SCHIP1: variants seen among roughly 807,000 people sequenced by gnomAD.
The protein encoded by SCHIP1 is schwannomin-interacting protein 1.
Under a neutral mutation model 29.7 loss-of-function variants are expected in SCHIP1, and 8 were observed. That is an observed-to-expected ratio of 0.27 (90% CI 0.16 to 0.49). SCHIP1 has a LOEUF of 0.49. Ranked by LOEUF, SCHIP1 falls within the 20% of genes least tolerant of loss-of-function variation. The pLI, the probability that SCHIP1 is intolerant of heterozygous loss-of-function variation, is 0.99. For synonymous variants in SCHIP1, 76 were observed against 94.9 expected (o/e 0.80, Z 1.16); for missense variants, 193 against 294.6 (o/e 0.66, Z 2.52).
At chr3:159,574,499 G>C in the SCHIP1 span, among the ~76,000 whole-genome samples, 22 of 152,260 alleles carry the variant, frequency 1.4e-4, no homozygotes, top group African/African-American at 5.1e-4. Flanking sequence ...CCCAGAGGGG[G>C]AACTGCCTAT....
the SCHIP1 span, among the ~76,000 whole-genome samples, chr3:159,638,414 C>T: frequency 2.0e-5 from 3 of 152,124 alleles, no homozygotes; most frequent in Admixed American, 6.6e-5. Flanking sequence ...GAGTCATAAT[C>T]GTATTTCTCC....
chr3:159,508,636 TA>T, the SCHIP1 span, among the ~76,000 whole-genome samples: 1 of 152,236 alleles, frequency 6.6e-6, no homozygotes, highest in Non-Finnish European at 1.5e-5. Flanking sequence ...CACACTGCTC[TA>T]AATATGTTCC....
chr3:159,444,140 ATC>A, the SCHIP1 span, among the ~76,000 whole-genome samples: 1 of 152,172 alleles, frequency 6.6e-6, no homozygotes, highest in Non-Finnish European at 1.5e-5. Context: ...TGAAGTGTAC[ATC>A]ACTGAGCAGC....
the SCHIP1 span, among the ~76,000 whole-genome samples, chr3:159,407,520 T>G: frequency 6.6e-6 from 1 of 152,340 alleles, no homozygotes; most frequent in Non-Finnish European, 1.5e-5. Flanking sequence ...TAATCTGCAC[T>G]ATAGACCAAA....
At chr3:159,405,661 G>A in the SCHIP1 span, among the ~76,000 whole-genome samples, 7 of 151,812 alleles carry the variant, frequency 4.6e-5, no homozygotes, top group African/African-American at 1.5e-4. Context: ...GGCAGACCAC[G>A]AGGTTAGGAG....
the SCHIP1 span, among the ~76,000 whole-genome samples, chr3:159,696,900 G>T: frequency 6.6e-6 from 1 of 152,358 alleles, no homozygotes; most frequent in Non-Finnish European, 1.5e-5. Flanking sequence ...ATGGAGAAAG[G>T]TAGGGCACTG....
the SCHIP1 span, among the ~76,000 whole-genome samples, chr3:159,554,454 C>T: frequency 6.6e-6 from 1 of 152,132 alleles, no homozygotes; most frequent in East Asian, 1.9e-4. Flanking sequence ...GCTAGGGTGC[C>T]GAGGCTTAAA....
chr3:159,673,174 T>C, the SCHIP1 span, among the ~76,000 whole-genome samples: 1 of 152,240 alleles, frequency 6.6e-6, no homozygotes, highest in Non-Finnish European at 1.5e-5. Flanking sequence ...GTTTCTGTTC[T>C]GTTAGTTATT....
chr3:159,784,151 A>G, the SCHIP1 span, among the ~76,000 whole-genome samples: 54 of 152,316 alleles, frequency 3.5e-4, no homozygotes, highest in South Asian at 9.5e-3. Flanking sequence ...AGCTGAGGTA[A>G]AGTTTAATTT....
the SCHIP1 span, among the ~76,000 whole-genome samples, chr3:159,490,221 T>A: frequency 6.6e-6 from 1 of 152,208 alleles, no homozygotes; most frequent in Non-Finnish European, 1.5e-5. Context: ...TATTTACCAT[T>A]TCTATGTGTT....
the SCHIP1 span, among the ~76,000 whole-genome samples, chr3:159,770,498 A>G: frequency 4.6e-5 from 7 of 152,164 alleles, no homozygotes; most frequent in African/African-American, 1.4e-4. Context: ...ACCTCAGGTA[A>G]TCCGCCCACC....
the SCHIP1 span, among the ~76,000 whole-genome samples, chr3:159,540,680 T>G: frequency 6.6e-6 from 1 of 152,104 alleles, no homozygotes; most frequent in African/African-American, 2.4e-5. Context: ...AAGAGAATTT[T>G]TGCACTAACC....
chr3:159,299,459 C>A, the SCHIP1 span, among the ~76,000 whole-genome samples: 5 of 152,004 alleles, frequency 3.3e-5, no homozygotes, highest in Non-Finnish European at 7.4e-5. Flanking sequence ...ACAACAACAA[C>A]AAAAAAGTGA....
chr3:159,605,556 G>A, the SCHIP1 span, among the ~76,000 whole-genome samples: 1 of 152,032 alleles, frequency 6.6e-6, no homozygotes, highest in East Asian at 1.9e-4. Flanking sequence ...TAATGGCAGT[G>A]GCAGTTCTAA....
the SCHIP1 span, among the ~76,000 whole-genome samples, chr3:159,817,915 A>G: frequency 1.8e-3 from 277 of 152,216 alleles, 3 homozygotes; most frequent in African/African-American, 6.3e-3. Flanking sequence ...ACACATATCC[A>G]CCTACAGTGT....
chr3:159,807,747 G>C, the SCHIP1 span, among the ~76,000 whole-genome samples: 4 of 152,318 alleles, frequency 2.6e-5, no homozygotes, highest in Non-Finnish European at 4.4e-5. Flanking sequence ...CTTGTTCTTT[G>C]CTGGTGCATG....
Position 159,861,065 on chromosome 3 carries a change from C to T in SCHIP1, c.31-5098C>T, listed in dbSNP as rs1404909244. 6.6e-6 allele frequency among the ~76,000 whole-genome samples: 1 copy of T among 152,104 alleles called. No homozygotes were observed. Among genetic ancestry groups the T allele is most frequent in the Admixed American group, 6.5e-5 (1 of 15,270 alleles). The stretch of plus-strand genomic sequence containing the variant: ...GAACCCTAGAGGCCCCCCAGATTTT[C>T]CCACAAAAAATATAGTTTGTTAATT... On this transcript the variant is annotated intron_variant, in intron 1 of 6. Transcript: ENST00000445224. The surrounding 1 kb of genome is among the most constrained non-coding windows in gnomAD (Gnocchi z 4.1).
the SCHIP1 span, among the ~76,000 whole-genome samples, chr3:159,572,941 T>G: frequency 6.6e-6 from 1 of 151,912 alleles, no homozygotes; most frequent in African/African-American, 2.4e-5. Context: ...CTGGTTTTTT[T>G]TTTTTTTTCT....
At chr3:159,538,692 C>T in the SCHIP1 span, among the ~76,000 whole-genome samples, 4 of 152,062 alleles carry the variant, frequency 2.6e-5, no homozygotes, top group African/African-American at 4.8e-5. Context: ...CCTGTACCTG[C>T]GAAGCCACTG....
Sources: gnomAD v4.1 joint callset for allele counts (sites outside exome capture counted in the v4.1 genomes callset) on GRCh38, gnomAD v4.1.1 for gene constraint, Gnocchi (gnomAD v3.1) non-coding constraint, MANE v1.5 for transcripts, NCBI Gene and HGNC (gene_info 2026-07-23, HGNC 2026-07-21) for gene names.